Variants in MAN2A1 observed in about 807,000 individuals in gnomAD.
MAN2A1 encodes the protein alpha-mannosidase 2.
In MAN2A1, 76 loss-of-function variants were observed where a neutral mutation model predicts 142.6. The observed-to-expected ratio is 0.53, with a 90% confidence interval of 0.44 to 0.65. The LOEUF (loss-of-function observed/expected upper bound fraction) is 0.65. Ranked by LOEUF, MAN2A1 falls within the 30% of genes least tolerant of loss-of-function variation. The pLI is 0.00. For synonymous variants in MAN2A1, 559 were observed against 473.2 expected, an observed-to-expected ratio of 1.18 and a Z score of -2.35; for missense variants, 1,311 against 1,365.1, an observed-to-expected ratio of 0.96 and a Z score of 0.62.
intron 3 of MAN2A1, among the ~76,000 whole-genome samples, chr5:109,728,745 T>C (rs1751817923): frequency 6.6e-6 from 1 of 152,210 alleles, no homozygotes; most frequent in Non-Finnish European, 1.5e-5. Context: ...TTCTAAGGAA[T>C]TGAATAATGA....
At chr5:109,844,695 G>A (rs1441664110) in intron 17 of MAN2A1, among the ~76,000 whole-genome samples, 1 of 152,114 alleles carries the variant, frequency 6.6e-6, no homozygotes, top group Admixed American at 6.5e-5. Flanking sequence ...TCTAGTGGTT[G>A]CCTATGCTTG....
chr5:109,812,484 T>C (rs1754345895), intron 12 of MAN2A1, among the ~76,000 whole-genome samples: 1 of 152,186 alleles, frequency 6.6e-6, no homozygotes, highest in Non-Finnish European at 1.5e-5. Context: ...TGTTAACATG[T>C]AAATTCATGT....
chr5:109,819,977 CT>C (rs1754580180), intron 14 of MAN2A1, 90 bp downstream of exon 14: 3 of 971,450 alleles, frequency 3.1e-6, no homozygotes, highest in Non-Finnish European at 4.6e-6. Flanking sequence ...GGAAAAAAGT[CT>C]TAAGTAGAGC....
intron 1 of MAN2A1, among the ~76,000 whole-genome samples, chr5:109,709,714 G>T (rs980903669): frequency 6.6e-6 from 1 of 152,008 alleles, no homozygotes; most frequent in Non-Finnish European, 1.5e-5. Context: ...TTTTTGCTTG[G>T]TTTTTCTCTT....
At chr5:109,866,233 A>G (rs925242528) in intron 21 of MAN2A1, among the ~76,000 whole-genome samples, 9 of 148,068 alleles carry the variant, frequency 6.1e-5, no homozygotes, top group Non-Finnish European at 1.2e-4. Flanking sequence ...TCTGACATTA[A>G]GGCCTTGAGT....
intron 12 of MAN2A1, among the ~76,000 whole-genome samples, chr5:109,795,703 A>G (rs1463857487): frequency 1.3e-5 from 2 of 152,184 alleles, no homozygotes; most frequent in Non-Finnish European, 2.9e-5. Context: ...CATAATGTCT[A>G]CCCCCAAGGC....
At chr5:109,763,402 G>T (rs2269204) in intron 5 of MAN2A1, among the ~76,000 whole-genome samples, 46,982 of 151,886 alleles carry the variant, frequency 0.31, 7,711 homozygotes, top group East Asian at 0.64. Flanking sequence ...TTAAATATAA[G>T]GAACATATCT....
At chr5:109,785,788 G>C (rs2112673382) in intron 10 of MAN2A1, among the ~76,000 whole-genome samples, 1 of 152,036 alleles carries the variant, frequency 6.6e-6, no homozygotes, top group Middle Eastern at 3.4e-3. Flanking sequence ...TATTCTTCCT[G>C]ATACTGTTTA....
Position 109,868,813 on chromosome 5 carries a change from C to T in MAN2A1, c.*1815C>T, listed in dbSNP as rs778386967. Reference sequence around the variant, plus strand: ...CTACAGATGTTAGGGTTGCCAGAAGCAAATCCCAGGAATGAGATCAGTATT... The same window carrying T: ...CTACAGATGTTAGGGTTGCCAGAAGTAAATCCCAGGAATGAGATCAGTATT... On this transcript the variant is annotated 3_prime_UTR_variant, in exon 22 of 22. Transcript: ENST00000261483. 2.0e-5 allele frequency: 3 copies of T among 152,146 alleles called. No individual in the cohort carries two copies. Among genetic ancestry groups the T allele is most frequent in the East Asian group, 3.8e-4 (2 of 5,206 alleles). The allele number at this position is 152,146 out of a possible 1,614,324, so 9.4% of individuals were successfully genotyped here.
At chr5:109,789,069 T>C (rs752662919) in intron 11 of MAN2A1, 21 bp downstream of exon 11, 4 of 1,240,618 alleles carry the variant, frequency 3.2e-6, no homozygotes, top group Admixed American at 1.9e-5. Flanking sequence ...TCATCTATGG[T>C]CATCATAAAA....
At chr5:109,844,336 T>G (rs2112760491) in intron 17 of MAN2A1, among the ~76,000 whole-genome samples, 1 of 152,342 alleles carries the variant, frequency 6.6e-6, no homozygotes, top group South Asian at 2.1e-4. Flanking sequence ...TGGGCAAAAC[T>G]AGGTATCTAG....
At chr5:109,748,965 A>G (rs1480809909) in intron 4 of MAN2A1, among the ~76,000 whole-genome samples, 4 of 151,380 alleles carry the variant, frequency 2.6e-5, no homozygotes, top group Non-Finnish European at 5.9e-5. Context: ...TGATTAGCAG[A>G]ATGTCTTTAG....
Position 109,784,682 on chromosome 5 carries a change from A to G in MAN2A1, c.1578-62A>G, listed in dbSNP as rs957479900. 30 of 1,310,668 alleles carry G rather than the reference A, an allele frequency of 2.3e-5. 1 individual carries two copies. In the South Asian group the frequency reaches 5.1e-4, roughly 22 times the overall value. 81.2% of individuals were successfully genotyped at this position (1,310,668 alleles called of 1,614,324 possible). On this transcript the variant is annotated intron_variant, in intron 9 of 21. Transcript: ENST00000261483. ...AAATTTGTAAAGTATCAATGTCACA[A>G]GTTTTAGATTATAAGCTAAAGTGTT...
At chr5:109,794,167 T>A (rs2112685670) in intron 12 of MAN2A1, 1 of 152,276 alleles carries the variant, frequency 6.6e-6, no homozygotes, top group South Asian at 2.1e-4. Flanking sequence ...CATTATTTGA[T>A]AGAGGCATTT....
In MAN2A1 at chr5:109,765,273, T is replaced by A. The variant is rs76224465; in HGVS notation, c.836-2262T>A. 1.1e-3 allele frequency among the ~76,000 whole-genome samples: 170 copies of A among 152,278 alleles called. 3 individuals are homozygous for A. In the East Asian group the frequency reaches 0.031, roughly 28 times the overall value. On this transcript the variant is annotated intron_variant, in intron 5 of 21. Coordinates refer to ENST00000261483, the MANE Select transcript of MAN2A1 (RefSeq NM_002372.4). ...TGTTCCTTAGTCTTTTTTTGGGGAT[T>A]TCTTGATCTTTATATTTTTGAAGAG... is the stretch of plus-strand genomic sequence containing the variant.
intron 16 of MAN2A1, among the ~76,000 whole-genome samples, chr5:109,827,013 A>G (rs1014808370): frequency 1.3e-5 from 2 of 152,200 alleles, no homozygotes; most frequent in Non-Finnish European, 2.9e-5. Flanking sequence ...TTATTCTTGA[A>G]TTTAATTTAC....
At chr5:109,797,227 A>G (rs1753886898) in intron 12 of MAN2A1, among the ~76,000 whole-genome samples, 1 of 152,174 alleles carries the variant, frequency 6.6e-6, no homozygotes, top group Non-Finnish European at 1.5e-5. Flanking sequence ...ACTTATTAAA[A>G]TGATTTATTA....
intron 12 of MAN2A1, among the ~76,000 whole-genome samples, chr5:109,803,933 C>T (rs769315797): frequency 5.3e-5 from 8 of 152,062 alleles, no homozygotes; most frequent in Non-Finnish European, 7.4e-5. Flanking sequence ...CTGATGGTTA[C>T]GTGAGATTAC....
intron 6 of MAN2A1, among the ~76,000 whole-genome samples, chr5:109,769,968 C>T (rs1753098197): frequency 6.6e-6 from 1 of 152,162 alleles, no homozygotes; most frequent in South Asian, 2.1e-4. Context: ...TGGTATCTCT[C>T]AGTGAATTCT....
Sources: gnomAD v4.1 joint callset for allele counts (sites outside exome capture counted in the v4.1 genomes callset) on GRCh38, gnomAD v4.1.1 for gene constraint, MANE v1.5 for transcripts, NCBI Gene and HGNC (gene_info 2026-07-23, HGNC 2026-07-21) for gene names.